RARB: variants seen among roughly 807,000 people sequenced by gnomAD.
RARB encodes HBV-activated protein.
In RARB, 17 loss-of-function variants were observed where a neutral mutation model predicts 51.9. The ratio of observed to expected loss-of-function variants is 0.33; its 90% CI spans 0.22 to 0.49. The LOEUF is 0.49. RARB is among the 20% of genes least tolerant of loss of function. The pLI, the probability that RARB is intolerant of heterozygous loss-of-function variation, is 0.99. For synonymous variants in RARB, 215 were observed against 195.4 expected, an observed-to-expected ratio of 1.10 and a Z score of -0.84; for missense variants, 369 against 550.8, an observed-to-expected ratio of 0.67 and a Z score of 3.30.
Position 25,437,846 on chromosome 3 carries a change from A to G in RARB, c.157+8958A>G, listed in dbSNP as rs1708498804. 3.3e-5 allele frequency among the ~76,000 whole-genome samples: 5 copies of G among 152,294 alleles called. No homozygotes were observed. The South Asian group carries it at 1.0e-3, about 32-fold the overall frequency. On this transcript the variant is annotated intron_variant, in intron 1 of 7. Coordinates refer to ENST00000330688, the MANE Select transcript of RARB (RefSeq NM_000965.5). ...AAGACTTTCATGTGGATGTTTCTGG[A>G]GCGTGTTAAGTAATCATGTTCCTTG...
chr3:24,946,263 C>CAAA (rs201010416), intron 2 of RARB, among the ~76,000 whole-genome samples: 2,503 of 116,426 alleles, frequency 0.021, 55 homozygotes, highest in Middle Eastern at 0.076. Context: ...GACTCCATCT[C>CAAA]AAAAAAAAAA....
intron 2 of RARB, among the ~76,000 whole-genome samples, chr3:24,982,895 T>A (rs1278457583): frequency 6.6e-6 from 1 of 152,204 alleles, no homozygotes; most frequent in Non-Finnish European, 1.5e-5. Flanking sequence ...ATATGTCCTA[T>A]GTCTTCATGA....
chr3:24,871,444 C>T (rs1454029895), intron 2 of RARB, among the ~76,000 whole-genome samples: 4 of 152,176 alleles, frequency 2.6e-5, no homozygotes, highest in Admixed American at 1.3e-4. Flanking sequence ...TCCCTCGCTA[C>T]CATGTCCTAC....
intron 5 of RARB, among the ~76,000 whole-genome samples, chr3:25,399,136 G>T (rs1707198745): frequency 6.6e-6 from 1 of 152,250 alleles, no homozygotes; most frequent in East Asian, 1.9e-4. Flanking sequence ...GAGGACACAG[G>T]TTTCTTATTC....
At chr3:25,346,168 C>A (rs1031716021) in intron 5 of RARB, among the ~76,000 whole-genome samples, 3 of 152,300 alleles carry the variant, frequency 2.0e-5, no homozygotes, top group Non-Finnish European at 4.4e-5. Flanking sequence ...CATACCTTTT[C>A]CGTTTATTTT....
At chr3:24,963,230 G>A (rs896156819) in intron 2 of RARB, among the ~76,000 whole-genome samples, 1 of 151,868 alleles carries the variant, frequency 6.6e-6, no homozygotes, top group African/African-American at 2.4e-5. Context: ...TGGCCCCTTG[G>A]CTGTTTGAAA....
intron 1 of RARB, among the ~76,000 whole-genome samples, chr3:24,844,625 G>T (rs1702463945): frequency 6.6e-6 from 1 of 152,134 alleles, no homozygotes; most frequent in Non-Finnish European, 1.5e-5. Context: ...TGATGATTTG[G>T]GAAATGAATT....
At chr3:25,251,019 G>A (rs1289801802) in intron 5 of RARB, among the ~76,000 whole-genome samples, 1 of 152,108 alleles carries the variant, frequency 6.6e-6, no homozygotes, top group Non-Finnish European at 1.5e-5. Context: ...GGTGTTTCCT[G>A]TTACTTCTCT....
At chr3:25,549,696 A>C (rs887045811) in intron 3 of RARB, among the ~76,000 whole-genome samples, 1 of 152,174 alleles carries the variant, frequency 6.6e-6, no homozygotes, top group African/African-American at 2.4e-5. Context: ...GTTGACCAAG[A>C]TGGCATGAGA....
chr3:25,464,730 A>G (rs1300174615), intron 2 of RARB, among the ~76,000 whole-genome samples: 1 of 152,204 alleles, frequency 6.6e-6, no homozygotes, highest in Non-Finnish European at 1.5e-5. Context: ...TTGTATAAAA[A>G]TAGAAAATTA....
intron 5 of RARB, among the ~76,000 whole-genome samples, chr3:25,417,209 A>C (rs1475429131): frequency 6.6e-6 from 1 of 151,728 alleles, no homozygotes; most frequent in African/African-American, 2.4e-5. Flanking sequence ...AAAAAAAAAA[A>C]AAAACTGCTG....
intron 2 of RARB, among the ~76,000 whole-genome samples, chr3:24,930,944 T>G (rs1198141909): frequency 1.3e-5 from 2 of 152,054 alleles, no homozygotes; most frequent in African/African-American, 4.8e-5. Flanking sequence ...GCCCAAGAGT[T>G]TGAGGTTGCA....
At chr3:25,433,101 T>C (rs1467132982) in intron 1 of RARB, among the ~76,000 whole-genome samples, 1 of 152,234 alleles carries the variant, frequency 6.6e-6, no homozygotes, top group Non-Finnish European at 1.5e-5. Context: ...TGATGAAGGT[T>C]AATCAGAAAA....
intron 2 of RARB, among the ~76,000 whole-genome samples, chr3:25,487,933 C>T (rs1181471566): frequency 6.6e-6 from 1 of 152,124 alleles, no homozygotes; most frequent in Non-Finnish European, 1.5e-5. Context: ...TTATATCTTC[C>T]CTCTATAGAT....
At chr3:25,470,189 T>C (rs1419884693) in intron 2 of RARB, among the ~76,000 whole-genome samples, 1 of 152,082 alleles carries the variant, frequency 6.6e-6, no homozygotes, top group Non-Finnish European at 1.5e-5. Flanking sequence ...CCTAATTAGA[T>C]AAGCTAGTAG....
intron 5 of RARB, among the ~76,000 whole-genome samples, chr3:25,308,029 G>A (rs1328753812): frequency 1.3e-5 from 2 of 152,166 alleles, no homozygotes; most frequent in Admixed American, 6.5e-5. Flanking sequence ...TCCCTGCCCT[G>A]TAGGATTGTG....
intron 4 of RARB, among the ~76,000 whole-genome samples, chr3:25,139,852 T>C (rs772713221): frequency 3.3e-5 from 5 of 152,196 alleles, no homozygotes; most frequent in Non-Finnish European, 5.9e-5. Flanking sequence ...CCAATGCTCA[T>C]TGATCATTCC....
At chr3:24,912,310 C>A (rs1695005498) in intron 2 of RARB, among the ~76,000 whole-genome samples, 1 of 152,090 alleles carries the variant, frequency 6.6e-6, no homozygotes, top group Non-Finnish European at 1.5e-5. Flanking sequence ...ATTTCTGTAC[C>A]TCCATTTGTT....
At chr3:24,859,481 T>C (rs1052362509) in intron 2 of RARB, among the ~76,000 whole-genome samples, 10 of 152,212 alleles carry the variant, frequency 6.6e-5, no homozygotes, top group Non-Finnish European at 1.2e-4. Flanking sequence ...AAACAGACTC[T>C]TCTAAAGCAG....
Sources: gnomAD v4.1 joint callset for allele counts (sites outside exome capture counted in the v4.1 genomes callset) on GRCh38, gnomAD v4.1.1 for gene constraint, MANE v1.5 for transcripts, NCBI Gene and HGNC (gene_info 2026-07-23, HGNC 2026-07-21) for gene names.